The following OR3A2 variants were observed in gnomAD, a reference collection of about 807,000 sequenced individuals.
OR3A2 encodes the protein olfactory receptor family 3 subfamily A member 2.
For synonymous variants in OR3A2, 126 were observed against 159.3 expected, an observed-to-expected ratio of 0.79 and a Z score of 1.57; for missense variants, 318 against 392.8, an observed-to-expected ratio of 0.81 and a Z score of 1.61.
At chr17:3,362,434 C>T (rs191174414) in intron 2 of OR3A2, among the ~76,000 whole-genome samples, 1 of 151,770 alleles carries the variant, frequency 6.6e-6, no homozygotes, top group African/African-American at 2.4e-5. Flanking sequence ...CTGCTCTGAT[C>T]TTAGTTATTT....
chr17:3,324,374 C>G (rs1365840824), intron 3 of OR3A2, among the ~76,000 whole-genome samples: 1 of 152,066 alleles, frequency 6.6e-6, no homozygotes, highest in South Asian at 2.1e-4. Flanking sequence ...AAGTCATTCT[C>G]CGTCCAGCTT....
chr17:3,381,334 TA>T (rs55897531), intron 2 of OR3A2, among the ~76,000 whole-genome samples: 20,463 of 150,500 alleles, frequency 0.14, 1,684 homozygotes, highest in African/African-American at 0.23. Context: ...TTTTTTTTTT[TA>T]AATTCTAGAT....
upstream of OR3A2, among the ~76,000 whole-genome samples, chr17:3,284,704 C>G (rs569751030): frequency 4.8e-5 from 7 of 144,718 alleles, 1 homozygote; most frequent in African/African-American, 1.9e-4. Context: ...CAGGTTGTTA[C>G]GGCAGATGAT....
chr17:3,353,118 CTT>C (rs33989147), intron 2 of OR3A2, among the ~76,000 whole-genome samples: 58,928 of 145,384 alleles, frequency 0.41, 11,901 homozygotes, highest in South Asian at 0.5. Flanking sequence ...CTTATAAGTT[CTT>C]TTTTTTTTTT....
chr17:3,325,764 C>A (rs1298147847), intron 3 of OR3A2, among the ~76,000 whole-genome samples: 4 of 151,928 alleles, frequency 2.6e-5, no homozygotes, highest in African/African-American at 4.8e-5. Flanking sequence ...GTAAAATTTA[C>A]CATCTTTACT....
At chr17:3,385,734 T>C (rs917745578) in intron 1 of OR3A2, among the ~76,000 whole-genome samples, 1 of 152,208 alleles carries the variant, frequency 6.6e-6, no homozygotes, top group African/African-American at 2.4e-5. Flanking sequence ...GAGATTCCGT[T>C]TCTTCATAAA....
intron 3 of OR3A2, among the ~76,000 whole-genome samples, chr17:3,331,733 T>A (rs2049236497): frequency 6.6e-6 from 1 of 152,042 alleles, no homozygotes; most frequent in South Asian, 2.1e-4. Context: ...TCATTCTCCA[T>A]CCAGCTTTGT....
Position 3,365,385 on chromosome 17 carries a change from C to T in OR3A2, c.-179+18419G>A, listed in dbSNP as rs1295226502. Among the ~76,000 whole-genome samples, 3 of 152,180 alleles carry T rather than the reference C, an allele frequency of 2.0e-5. No homozygotes were observed. In the South Asian group the frequency reaches 6.2e-4, roughly 32 times the overall value. On this transcript the variant is annotated intron_variant, in intron 2 of 4. Coordinates refer to the OR3A2 transcript ENST00000573491. ...GTTTGAGGAAATAAAGAAACTGAGG[C>T]AAAGACAAATGGTCTCATGAGTGGA...
chr17:3,292,461 G>A lies in OR3A2; in HGVS notation c.-84-13308C>T, dbSNP rs142429357. 53 of 1,613,466 alleles carry A rather than the reference G, an allele frequency of 3.3e-5. No individual in the cohort carries two copies. The highest frequency in any genetic ancestry group is 2.7e-4 in the East Asian group (12 of 44,828). ...CAGGATGCTGAGGTTGCCCCTGACC[G>A]TGACCAGGTAGGCAAAGAGGAAGAG... On this transcript the variant is annotated intron_variant, in intron 3 of 4. Coordinates refer to the OR3A2 transcript ENST00000573491.
At chr17:3,340,325 G>T (rs1471020652) in intron 2 of OR3A2, among the ~76,000 whole-genome samples, 1 of 152,032 alleles carries the variant, frequency 6.6e-6, no homozygotes, top group Non-Finnish European at 1.5e-5. Context: ...GAATGTGTTT[G>T]CTCTTGCTTC....
chr17:3,367,067 G>A (rs1216452235), intron 2 of OR3A2, among the ~76,000 whole-genome samples: 1 of 152,168 alleles, frequency 6.6e-6, no homozygotes, highest in East Asian at 1.9e-4. Context: ...AATTGATAAG[G>A]CTCTAGGAAA....
chr17:3,316,439 T>A (rs1356530484), intron 3 of OR3A2, among the ~76,000 whole-genome samples: 1 of 152,136 alleles, frequency 6.6e-6, no homozygotes, highest in East Asian at 1.9e-4. Context: ...CAACAATACC[T>A]CCTTCTCCCA....
intron 2 of OR3A2, among the ~76,000 whole-genome samples, chr17:3,380,910 T>C (rs1016897137): frequency 9.2e-5 from 14 of 152,174 alleles, no homozygotes; most frequent in Non-Finnish European, 1.2e-4. Flanking sequence ...TATGTGGATG[T>C]TTGCGTGTAA....
intron 2 of OR3A2, among the ~76,000 whole-genome samples, chr17:3,356,127 T>C (rs162257): frequency 0.69 from 104,154 of 151,064 alleles, 37,649 homozygotes; most frequent in East Asian, 1. Flanking sequence ...CTAATAAAAA[T>C]TCTACACCTA....
exon 2 of OR3A2, chr17:3,278,666 C>A: frequency 2.1e-6 from 3 of 1,411,708 alleles, no homozygotes; most frequent in Non-Finnish European, 3.0e-6. Context: ...GACGACCCAA[C>A]ATTGCAGGAA....
intron 3 of OR3A2, among the ~76,000 whole-genome samples, chr17:3,331,669 C>A (rs149890845): frequency 2.7e-5 from 4 of 150,904 alleles, no homozygotes; most frequent in South Asian, 4.2e-4. Flanking sequence ...AATGTCCTCC[C>A]GTAGCTCAGA....
In OR3A2 at chr17:3,294,548, C is replaced by G. The variant is rs148442122; in HGVS notation, c.-84-15395G>C. Among the ~76,000 whole-genome samples, 263 of 152,188 alleles carry G rather than the reference C, an allele frequency of 1.7e-3. 2 individuals are homozygous for G. The highest frequency in any genetic ancestry group is 5.8e-3 in the African/African-American group (239 of 41,544). ...AAACTCAATTTTAATTAAAAAATTACAGAAACACTTGACTTTACAATTCAA... is the reference window on the plus strand; with the variant it reads ...AAACTCAATTTTAATTAAAAAATTAGAGAAACACTTGACTTTACAATTCAA... On this transcript the variant is annotated intron_variant, in intron 3 of 4. Coordinates refer to the OR3A2 transcript ENST00000573491.
intron 2 of OR3A2, among the ~76,000 whole-genome samples, chr17:3,381,979 TC>T (rs2049740386): frequency 6.6e-6 from 1 of 151,906 alleles, no homozygotes. Context: ...AGAAAAGAAA[TC>T]CTCACTTTAT....
chr17:3,346,009 C>T (rs1303771898), intron 2 of OR3A2, among the ~76,000 whole-genome samples: 1 of 152,276 alleles, frequency 6.6e-6, no homozygotes, highest in Non-Finnish European at 1.5e-5. Flanking sequence ...TCTGCTTCTT[C>T]TAACAGCAGG....
Sources: allele counts gnomAD v4.1 joint callset (sites outside exome capture counted in the v4.1 genomes callset), GRCh38; gene constraint gnomAD v4.1.1; transcripts MANE v1.5; gene names NCBI Gene and HGNC (gene_info 2026-07-23, HGNC 2026-07-21).